Variants in PALD1 observed in about 807,000 individuals in gnomAD.
The protein encoded by PALD1 is phosphatase domain containing paladin 1.
Under a neutral mutation model 96.0 loss-of-function variants are expected in PALD1, and 57 were observed. The ratio of observed to expected loss-of-function variants is 0.59; its 90% CI spans 0.48 to 0.74. The LOEUF is 0.74. Among genes scored for constraint, PALD1 ranks in the 30% least tolerant of loss-of-function variants. PALD1 has a pLI of 0.00. For missense variants in PALD1, 1,063 were observed against 1,143.7 expected (o/e 0.93, Z 1.02); for synonymous variants, 464 against 473.6 (o/e 0.98, Z 0.26).
At chr10:70,468,704 G>C in the PALD1 span, among the ~76,000 whole-genome samples, 4 of 66,540 alleles carry the variant, frequency 6.0e-5, no homozygotes, top group Admixed American at 3.0e-4. Flanking sequence ...AGGCAGGACT[G>C]TGTGTGTGTG....
Position 70,558,957 on chromosome 10 carries a change from A to G in PALD1, c.2263-5407A>G, listed in dbSNP as rs572240931. Among the ~76,000 whole-genome samples, 8 of 152,120 alleles carry G rather than the reference A, an allele frequency of 5.3e-5. No homozygotes were observed. The East Asian group carries it at 1.4e-3, about 26-fold the overall frequency. On this transcript the variant is annotated intron_variant, in intron 18 of 19. Transcript: ENST00000263563. ...CCGAGGTTGCAGTGAGCTAAGTTGC[A>G]TTTTTCTATCAGCCGAGGGTCTGGT...
intron 1 of PALD1, among the ~76,000 whole-genome samples, chr10:70,521,729 T>C (rs1846740287): frequency 6.6e-6 from 1 of 151,940 alleles, no homozygotes; most frequent in Non-Finnish European, 1.5e-5. Context: ...AGACGGGGTT[T>C]CACCATGTTG....
chr10:70,539,112 C>A lies in PALD1; in HGVS notation c.1590C>A (p.Ala530=). ...PSAKALGSIL[A]YLTDAKRRLR... is the part of the protein sequence containing the mutation. ...CCCAGGCCCTGGGGAGCATCCTGGC[C>A]TACCTGACGGACGCCAAGAGGAGGC... is the stretch of plus-strand genomic sequence containing the variant. Residue 530 remains alanine (A), a synonymous_variant, in exon 14 of 20, where the codon GCC becomes GCA. Coordinates refer to ENST00000263563, the MANE Select transcript of PALD1 (RefSeq NM_014431.3). This position sits in a 1 kb window ranked among gnomAD's most constrained non-coding sequence, Gnocchi z 4.5. 6.2e-7 allele frequency: 1 copy of A among 1,613,918 alleles called. No homozygotes were observed. Among genetic ancestry groups the A allele is most frequent in the African/African-American group, 1.3e-5 (1 of 75,050 alleles).
At chr10:70,495,073 C>CGG (rs776721467) in intron 1 of PALD1, among the ~76,000 whole-genome samples, 2 of 152,158 alleles carry the variant, frequency 1.3e-5, no homozygotes, top group African/African-American at 2.4e-5. Context: ...GGCAGTGAAC[C>CGG]GGAGACTCGC....
chr10:70,524,746 A>G (rs1435264722), intron 1 of PALD1, among the ~76,000 whole-genome samples: 1 of 152,096 alleles, frequency 6.6e-6, no homozygotes, highest in Non-Finnish European at 1.5e-5. Context: ...GCTGTTTAAC[A>G]TTCTACCCTA....
chr10:70,554,888 A>G (rs575854913), intron 18 of PALD1, among the ~76,000 whole-genome samples: 1 of 114,202 alleles, frequency 8.8e-6, no homozygotes, highest in South Asian at 3.1e-4. Flanking sequence ...AACTTTGAGC[A>G]GTGCTTTTTG....
chr10:70,528,027 G>A (rs1245070239), intron 2 of PALD1, among the ~76,000 whole-genome samples: 1 of 151,968 alleles, frequency 6.6e-6, no homozygotes, highest in Non-Finnish European at 1.5e-5. Flanking sequence ...GAGAACATGC[G>A]GTGTTTGGTT....
Position 70,532,685 on chromosome 10 carries a change from G to A in PALD1, c.698G>A (p.Trp233Ter), listed in dbSNP as rs145337663. The part of the protein sequence containing the change: ...YHVYHNTEDL[W>*]GEPHAVAIHG... ...GTGTACCATAACACCGAGGACCTGTGGGGGGAGCCCCATGCTGTGGCCATC... is the reference window on the plus strand; with the variant it reads ...GTGTACCATAACACCGAGGACCTGTAGGGGGAGCCCCATGCTGTGGCCATC... Residue 233 changes from tryptophan (W) to a stop codon, truncating the protein, a stop_gained, in exon 6 of 20, where the codon TGG becomes TAG. Transcript: ENST00000263563. LOFTEE classifies it high-confidence loss of function. 9.3e-6 allele frequency: 15 copies of A among 1,613,944 alleles called. No homozygotes were observed. Among genetic ancestry groups the A allele is most frequent in the South Asian group, 3.3e-5 (3 of 91,076 alleles).
chr10:70,510,252 G>A (rs979667499), intron 1 of PALD1, among the ~76,000 whole-genome samples: 1 of 152,124 alleles, frequency 6.6e-6, no homozygotes, highest in Non-Finnish European at 1.5e-5. Context: ...TTAGGTACCT[G>A]GGAGATTGCT....
intron 1 of PALD1, among the ~76,000 whole-genome samples, chr10:70,498,849 AC>A (rs1487251979): frequency 4.0e-5 from 6 of 151,726 alleles, no homozygotes; most frequent in Non-Finnish European, 7.4e-5. Flanking sequence ...AATTGCTTGA[AC>A]CTAGGAGGCA....
At chr10:70,483,128 G>A (rs1845961839) in intron 1 of PALD1, among the ~76,000 whole-genome samples, 3 of 152,138 alleles carry the variant, frequency 2.0e-5, no homozygotes, top group Admixed American at 6.6e-5. Flanking sequence ...AGTTATGGTT[G>A]GAGCCTGAGG....
At chr10:70,473,939 C>G (rs958675891), upstream of PALD1, among the ~76,000 whole-genome samples, 2 of 152,158 alleles carry the variant, frequency 1.3e-5, no homozygotes, top group Non-Finnish European at 2.9e-5. Context: ...AGGTGTGAGC[C>G]ACAGTACCCG....
chr10:70,479,585 A>G (rs1303943163), intron 1 of PALD1, among the ~76,000 whole-genome samples: 1 of 152,176 alleles, frequency 6.6e-6, no homozygotes, highest in Non-Finnish European at 1.5e-5. Flanking sequence ...TTTCAGTTTC[A>G]GAGGGTTTTC....
At chr10:70,544,714 G>C (rs1382821900) in intron 17 of PALD1, among the ~76,000 whole-genome samples, 2 of 152,182 alleles carry the variant, frequency 1.3e-5, no homozygotes, top group Non-Finnish European at 2.9e-5. Flanking sequence ...GCAGCCCTCT[G>C]TCTGAGGTGG....
At chr10:70,492,527 G>A (rs1846118410) in intron 1 of PALD1, among the ~76,000 whole-genome samples, 2 of 137,866 alleles carry the variant, frequency 1.5e-5, no homozygotes, top group Non-Finnish European at 3.0e-5. Context: ...CGCAATCTTG[G>A]CTCACTGCAG....
chr10:70,519,602 T>A (rs1446574131), intron 1 of PALD1, among the ~76,000 whole-genome samples: 7 of 147,126 alleles, frequency 4.8e-5, no homozygotes, highest in Non-Finnish European at 8.9e-5. Flanking sequence ...TGAGACGAAG[T>A]CTGGCTCTGT....
the PALD1 span, among the ~76,000 whole-genome samples, chr10:70,470,492 CTG>C: frequency 8.2e-6 from 1 of 121,612 alleles, no homozygotes; most frequent in African/African-American, 3.0e-5. Context: ...CAGAGGTTGA[CTG>C]TGTGTATACA....
At chr10:70,514,319 A>G (rs890102385) in intron 1 of PALD1, among the ~76,000 whole-genome samples, 2 of 152,214 alleles carry the variant, frequency 1.3e-5, no homozygotes, top group African/African-American at 4.8e-5. Context: ...CCTGCAGAGC[A>G]AAGGACTGCA....
intron 18 of PALD1, among the ~76,000 whole-genome samples, chr10:70,559,978 C>T (rs1470287028): frequency 6.6e-6 from 1 of 152,168 alleles, no homozygotes; most frequent in Admixed American, 6.5e-5. Flanking sequence ...TCTGCAGACC[C>T]CCAGGGCGGT....
Sources: allele counts gnomAD v4.1 joint callset (sites outside exome capture counted in the v4.1 genomes callset), GRCh38; gene constraint gnomAD v4.1.1; non-coding constraint Gnocchi (gnomAD v3.1); transcripts MANE v1.5; gene names NCBI Gene and HGNC (gene_info 2026-07-23, HGNC 2026-07-21).